The following NFKBIL1 variants were observed in gnomAD, a reference collection of about 807,000 sequenced individuals.
The protein encoded by NFKBIL1 is NFKB inhibitor like 1, also known as NF-kappa-B inhibitor-like protein 1.
NFKBIL1 carries 30 observed loss-of-function variants against 45.4 expected under a neutral mutation model. The ratio of observed to expected loss-of-function variants is 0.66; its 90% CI spans 0.49 to 0.90. The LOEUF is 0.90. Among genes scored for constraint, NFKBIL1 ranks in the 40% least tolerant of loss-of-function variants. The probability of loss-of-function intolerance (pLI) is 0.00; values close to 1 mark genes in which losing one functional copy is unlikely to be tolerated. For synonymous variants in NFKBIL1, 179 were observed against 197.3 expected (o/e 0.91, Z 0.78); for missense variants, 434 against 513.4 (o/e 0.85, Z 1.49).
At chr6:31,547,847 T>C (rs1040616158) in intron 1 of NFKBIL1, 96 bp downstream of exon 1, 4 of 1,096,254 alleles carry the variant, frequency 3.6e-6, no homozygotes, top group Non-Finnish European at 5.2e-6. Context: ...CATCCGGCCC[T>C]GTTGGGTTTT....
At chr6:31,548,114 G>T in intron 1 of NFKBIL1, 49 bp from the exon 2 acceptor site, 1 of 1,611,804 alleles carries the variant, frequency 6.2e-7, no homozygotes, top group Non-Finnish European at 8.5e-7. Flanking sequence ...GGAGGGAGAA[G>T]GACCAGCCAA....
At chr6:31,550,476 T>G (rs965210956) in intron 2 of NFKBIL1, among the ~76,000 whole-genome samples, 2 of 151,482 alleles carry the variant, frequency 1.3e-5, no homozygotes, top group African/African-American at 4.9e-5. Context: ...TCAGATTTGT[T>G]TCTTGTTGTT....
Position 31,557,903 on chromosome 6 carries a change from C to T in NFKBIL1, c.556+54C>T. On this transcript the variant is annotated intron_variant, in intron 3 of 3. Transcript: ENST00000376148. The surrounding 1 kb of genome is among the most constrained non-coding windows in gnomAD (Gnocchi z 5.4). Reference sequence around the variant, plus strand: ...CCCTTCCCCACTGGCTGCTTTCCATCTGCATGAATGCGTCACACTAGGCTC... The same window carrying T: ...CCCTTCCCCACTGGCTGCTTTCCATTTGCATGAATGCGTCACACTAGGCTC... 2 of 1,526,574 alleles carry T rather than the reference C, an allele frequency of 1.3e-6. No individual in the cohort carries two copies. Among genetic ancestry groups the T allele is most frequent in the African/African-American group, 1.4e-5 (1 of 73,058 alleles). The allele number at this position is 1,526,574 out of a possible 1,614,324, so 94.6% of individuals were successfully genotyped here.
At chr6:31,548,681 A>G (rs111989884) in intron 2 of NFKBIL1, among the ~76,000 whole-genome samples, 2 of 152,184 alleles carry the variant, frequency 1.3e-5, no homozygotes, top group Admixed American at 6.5e-5. Context: ...ATTAGTAGCT[A>G]CTTTGTTTCT....
intron 2 of NFKBIL1, among the ~76,000 whole-genome samples, chr6:31,552,255 T>G (rs867845176): frequency 3.9e-4 from 47 of 121,508 alleles, no homozygotes; most frequent in Middle Eastern, 7.9e-3. Context: ...TTTGGTTTTG[T>G]TTTTGTTTTC....
chr6:31,548,633 C>T (rs1466091570), intron 2 of NFKBIL1, among the ~76,000 whole-genome samples, 194 bp downstream of exon 2: 2 of 152,222 alleles, frequency 1.3e-5, no homozygotes, highest in African/African-American at 4.8e-5. Flanking sequence ...CAACATTCCC[C>T]AAAGATCAAC....
chr6:31,548,425 G>T lies in NFKBIL1; in HGVS notation c.320G>T (p.Arg107Leu), dbSNP rs199875424. The T allele has an allele frequency of 6.6e-7, 1 of 1,507,782 alleles. No individual in the cohort carries two copies. Among genetic ancestry groups the T allele is most frequent in the South Asian group, 1.3e-5 (1 of 76,158 alleles). 93.4% of individuals were successfully genotyped at this position (1,507,782 alleles called of 1,614,324 possible). ...GACACGGCACTGCATGCTGCTGCCC[G>T]CCAGGGCCCAGATGGTGAGTCTGCT... ...HGDTALHAAA[R>L]QGPDAYTDFF... Residue 107 changes from arginine (R) to leucine (L), a missense_variant, in exon 2 of 4, where the codon CGC (arginine) becomes CTC (leucine). Arg to Leu is a moderately radical substitution (Grantham distance 102, BLOSUM62 -2). This residue lies in a region of NFKBIL1 where 231 missense variants were observed against 264.1 expected (regional missense o/e 0.87). Transcript: ENST00000376148.
In NFKBIL1 at chr6:31,557,972, A is replaced by G; in HGVS notation, c.557-50A>G. 6.6e-7 allele frequency: 1 copy of G among 1,504,990 alleles called. No homozygotes were observed. The highest frequency in any genetic ancestry group is 9.0e-7 in the Non-Finnish European group (1 of 1,115,294). The allele number at this position is 1,504,990 out of a possible 1,614,324, so 93.2% of individuals were successfully genotyped here. The stretch of plus-strand genomic sequence containing the variant: ...GCTTCCCTGCTTCTTGGGGCCCATC[A>G]CCTTCTCACAGCCTCTCTCCAACTA... On this transcript the variant is annotated intron_variant, in intron 3 of 3. Coordinates refer to ENST00000376148, the MANE Select transcript of NFKBIL1 (RefSeq NM_005007.4). The surrounding 1 kb of genome is among the most constrained non-coding windows in gnomAD (Gnocchi z 5.4).
chr6:31,547,887 T>A, intron 1 of NFKBIL1, 136 bp downstream of exon 1: 1 of 805,046 alleles, frequency 1.2e-6, no homozygotes, highest in Non-Finnish European at 1.9e-6. Context: ...AATTAAAAAT[T>A]TACCTGGGCT....
At position 31,557,938 on chromosome 6, in the gene NFKBIL1, C is replaced by A; in HGVS notation, c.557-84C>A. 1 of 1,492,832 alleles carries A rather than the reference C, an allele frequency of 6.7e-7. No individual in the cohort carries two copies. Among genetic ancestry groups the A allele is most frequent in the South Asian group, 1.3e-5 (1 of 76,846 alleles). The allele number at this position is 1,492,832 out of a possible 1,614,324, so 92.5% of individuals were successfully genotyped here. A position where few individuals can be genotyped will look rare whatever the true frequency, so the allele number is the denominator to read the frequency against. Reference sequence around the variant, plus strand: ...GCGTCACACTAGGCTCCTCTGCCCCCTCCTCTGTGCTTCCCTGCTTCTTGG... The same window carrying A: ...GCGTCACACTAGGCTCCTCTGCCCCATCCTCTGTGCTTCCCTGCTTCTTGG... On this transcript the variant is annotated intron_variant, in intron 3 of 3. Transcript: ENST00000376148. The surrounding 1 kb of genome is among the most constrained non-coding windows in gnomAD (Gnocchi z 5.4).
chr6:31,558,138 C>G lies in NFKBIL1; in HGVS notation c.673C>G (p.Arg225Gly). The G allele has an allele frequency of 6.2e-7, 1 of 1,611,816 alleles. No individual in the cohort carries two copies. Among genetic ancestry groups the G allele is most frequent in the African/African-American group, 1.3e-5 (1 of 75,028 alleles). Residue 225 changes from arginine (R) to glycine (G), a missense_variant, in exon 4 of 4, where the codon CGA becomes GGA. Arg to Gly is a moderately radical substitution (Grantham distance 125, BLOSUM62 -2). Around this residue, in one of 4 missense-constraint regions of NFKBIL1, gnomAD observed 23 missense variants for 46.9 expected, o/e 0.49. Coordinates refer to ENST00000376148, the MANE Select transcript of NFKBIL1 (RefSeq NM_005007.4). The surrounding 1 kb of genome is among the most constrained non-coding windows in gnomAD (Gnocchi z 7.2). ...QQQREAEGSR[R>G]PPRAEGSSQS... ...GCAGCGAGAAGCAGAGGGATCCCGT[C>G]GACCCCCACGTGCTGAGGGCTCCAG...
intron 2 of NFKBIL1, among the ~76,000 whole-genome samples, chr6:31,548,709 G>C (rs763830295): frequency 2.0e-5 from 3 of 152,114 alleles, no homozygotes; most frequent in Non-Finnish European, 4.4e-5. Context: ...TTGTTTGCTC[G>C]TAGCCAAAAA....
Position 31,558,595 on chromosome 6 carries a change from C to A in NFKBIL1, c.1130C>A (p.Ala377Glu). Residue 377 changes from alanine (A) to glutamate (E), a missense_variant, in exon 4 of 4, where the codon GCA (alanine) becomes GAA (glutamate). Around this residue, in one of 4 missense-constraint regions of NFKBIL1, gnomAD observed 52 missense variants for 95.9 expected, o/e 0.54. Coordinates refer to ENST00000376148, the MANE Select transcript of NFKBIL1 (RefSeq NM_005007.4). This position sits in a 1 kb window ranked among gnomAD's most constrained non-coding sequence, Gnocchi z 7.2. Reference protein sequence around the residue: ...TALSQALNRHAEALK With the variant: ...TALSQALNRHEEALK The stretch of plus-strand genomic sequence containing the variant: ...CTTTCTCAGGCCCTGAATCGCCATG[C>A]AGAGGCCCTCAAGTGACCCTAGGGA... 1 of 1,553,830 alleles carries A rather than the reference C, an allele frequency of 6.4e-7. No individual in the cohort carries two copies. Among genetic ancestry groups the A allele is most frequent in the Non-Finnish European group, 8.7e-7 (1 of 1,148,096 alleles).
At chr6:31,548,617 A>G (rs918662024) in intron 2 of NFKBIL1, among the ~76,000 whole-genome samples, 178 bp downstream of exon 2, 12 of 152,240 alleles carry the variant, frequency 7.9e-5, no homozygotes, top group African/African-American at 2.9e-4. Flanking sequence ...CATTGTCTGA[A>G]GAACCCAACA....
In NFKBIL1 at chr6:31,558,308, C is replaced by G. The variant is rs1389414029; in HGVS notation, c.843C>G (p.Pro281=). The stretch of plus-strand genomic sequence containing the variant: ...AACCCAAGCCAACCAGGGCCGGGCC[C>G]AGGGAAGAGCACCCCAGAGGAGCGG... ...DREPKPTRAG[P]REEHPRGAGR... Residue 281 remains proline (P), a synonymous_variant, in exon 4 of 4, where the codon CCC becomes CCG. Coordinates refer to ENST00000376148, the MANE Select transcript of NFKBIL1 (RefSeq NM_005007.4). The surrounding 1 kb of genome is among the most constrained non-coding windows in gnomAD (Gnocchi z 7.2). 2 of 1,579,048 alleles carry G rather than the reference C, an allele frequency of 1.3e-6. No individual in the cohort carries two copies. Among genetic ancestry groups the G allele is most frequent in the African/African-American group, 2.7e-5 (2 of 74,160 alleles).
rs1409006825 is a variant in NFKBIL1, at chr6:31,557,392, G to A, written c.335-236G>A. ...CAAAGTGCTGGGATTACAGGCGTGA[G>A]CCACCGCGCCTGGCCGAGAATATTT... On this transcript the variant is annotated intron_variant, in intron 2 of 3. Coordinates refer to ENST00000376148, the MANE Select transcript of NFKBIL1 (RefSeq NM_005007.4). The surrounding 1 kb of genome is among the most constrained non-coding windows in gnomAD (Gnocchi z 5.4). 1.3e-5 allele frequency among the ~76,000 whole-genome samples: 2 copies of A among 152,206 alleles called. No homozygotes were observed. The highest frequency in any genetic ancestry group is 4.8e-5 in the African/African-American group (2 of 41,444).
chr6:31,554,685 A>G (rs1409196065), intron 2 of NFKBIL1, among the ~76,000 whole-genome samples: 1 of 152,258 alleles, frequency 6.6e-6, no homozygotes, highest in Non-Finnish European at 1.5e-5. Context: ...AGACATAGGC[A>G]CACTTGTATA....
intron 2 of NFKBIL1, among the ~76,000 whole-genome samples, chr6:31,551,523 T>C (rs1199698807): frequency 6.6e-6 from 1 of 152,232 alleles, no homozygotes; most frequent in Admixed American, 6.5e-5. Flanking sequence ...CTCCTGGTCC[T>C]CTGCCAGCCC....
chr6:31,549,812 G>A (rs1370646142), intron 2 of NFKBIL1, among the ~76,000 whole-genome samples: 3 of 152,124 alleles, frequency 2.0e-5, no homozygotes, highest in Non-Finnish European at 4.4e-5. Flanking sequence ...TAGAGTGAGT[G>A]TACTTTTAGG....
Sources: allele counts gnomAD v4.1 joint callset (sites outside exome capture counted in the v4.1 genomes callset), GRCh38; gene constraint gnomAD v4.1.1; regional missense constraint gnomAD v4.1.1; non-coding constraint Gnocchi (gnomAD v3.1); transcripts MANE v1.5; gene names NCBI Gene and HGNC (gene_info 2026-07-23, HGNC 2026-07-21).